Variants in TRPM3 observed in about 807,000 individuals in gnomAD.
The protein encoded by TRPM3 is transient receptor potential cation channel subfamily M member 3.
TRPM3 carries 77 observed loss-of-function variants against 181.2 expected under a neutral mutation model. The ratio of observed to expected loss-of-function variants is 0.42; its 90% CI spans 0.35 to 0.51. The LOEUF (loss-of-function observed/expected upper bound fraction) is 0.51, where lower values mean the gene tolerates loss of function less well. Ranked by LOEUF, TRPM3 falls within the 20% of genes least tolerant of loss-of-function variation. The pLI is 0.01. For synonymous variants in TRPM3, 745 were observed against 796.4 expected, an observed-to-expected ratio of 0.94 and a Z score of 1.09; for missense variants, 1,759 against 2,196.7, an observed-to-expected ratio of 0.80 and a Z score of 3.98.
At chr9:70,686,612 C>CCCTTCCTT (rs71367218) in intron 8 of TRPM3, among the ~76,000 whole-genome samples, 1,084 of 102,074 alleles carry the variant, frequency 0.011, 70 homozygotes, top group African/African-American at 0.027. Flanking sequence ...CTCCCTCCCG[C>CCCTTCCTT]CCTTCCTGGA....
At chr9:70,749,752 A>T (rs2075803264) in intron 8 of TRPM3, among the ~76,000 whole-genome samples, 1 of 152,222 alleles carries the variant, frequency 6.6e-6, no homozygotes, top group Non-Finnish European at 1.5e-5. Context: ...ATTGGTATAA[A>T]GTTATTCGTG....
At chr9:71,065,143 G>A (rs1330742421) in intron 1 of TRPM3, among the ~76,000 whole-genome samples, 1 of 152,068 alleles carries the variant, frequency 6.6e-6, no homozygotes. Flanking sequence ...CCAAATCTCT[G>A]TACAATGAAC....
chr9:71,347,077 A>G (rs1002836569), intron 1 of TRPM3, among the ~76,000 whole-genome samples: 1 of 152,214 alleles, frequency 6.6e-6, no homozygotes, highest in African/African-American at 2.4e-5. Context: ...TGCTGACTAT[A>G]TATTCTGCTT....
intron 1 of TRPM3, among the ~76,000 whole-genome samples, chr9:71,223,363 G>C (rs2080364109): frequency 6.6e-6 from 1 of 152,146 alleles, no homozygotes; most frequent in East Asian, 1.9e-4. Context: ...ATCATCTGCT[G>C]ACATAAAAGC....
intron 1 of TRPM3, among the ~76,000 whole-genome samples, chr9:70,922,765 C>T (rs991736182): frequency 6.6e-6 from 1 of 152,124 alleles, no homozygotes; most frequent in African/African-American, 2.4e-5. Context: ...TATTTGATTT[C>T]AGTTATTGTA....
chr9:71,259,755 AGTTT>A (rs1457652312), intron 1 of TRPM3, among the ~76,000 whole-genome samples: 1 of 151,666 alleles, frequency 6.6e-6, no homozygotes, highest in Non-Finnish European at 1.5e-5. Context: ...GTTTTTTGTA[AGTTT>A]GTTTAAGTTC....
chr9:71,159,669 G>A (rs1428942101), intron 1 of TRPM3, among the ~76,000 whole-genome samples: 3 of 152,070 alleles, frequency 2.0e-5, no homozygotes, highest in Non-Finnish European at 4.4e-5. Flanking sequence ...GCTTATACCT[G>A]TTGTATCTAA....
chr9:70,743,682 G>T (rs1465126092), intron 8 of TRPM3, among the ~76,000 whole-genome samples: 2 of 152,000 alleles, frequency 1.3e-5, no homozygotes, highest in Admixed American at 6.6e-5. Context: ...GGCAGGCCTG[G>T]TGAGATTCTG....
chr9:71,269,586 T>A (rs1037277021), intron 1 of TRPM3, among the ~76,000 whole-genome samples: 6 of 152,220 alleles, frequency 3.9e-5, no homozygotes, highest in Non-Finnish European at 7.3e-5. Flanking sequence ...TTCTTTTATG[T>A]CTAAAGTGAT....
intron 1 of TRPM3, among the ~76,000 whole-genome samples, chr9:71,041,941 AAATAAT>A (rs776686165): frequency 1.3e-5 from 2 of 152,164 alleles, no homozygotes; most frequent in African/African-American, 4.8e-5. Context: ...AGATAATTAA[AAATAAT>A]AATAATAGCA....
rs149346166 is a variant in TRPM3 at position 70,773,459 on chromosome 9, G to A, written c.1148+10646C>T. Among the ~76,000 whole-genome samples the A allele has an allele frequency of 1.4e-3, 209 of 152,290 alleles. 1 individual carries two copies. The highest frequency in any genetic ancestry group is 4.8e-3 in the African/African-American group (201 of 41,562). On this transcript the variant is annotated intron_variant, in intron 7 of 25. Coordinates refer to ENST00000677713, the MANE Select transcript of TRPM3 (RefSeq NM_001366145.2). ...ATATTAATTTCAAATTTTTGAGCAT[G>A]CTGCTGGGGAGAGGGTCAGAGGTGT...
intron 21 of TRPM3, among the ~76,000 whole-genome samples, chr9:70,592,012 A>G (rs914186585): frequency 5.3e-5 from 8 of 152,166 alleles, no homozygotes; most frequent in East Asian, 1.9e-4. Context: ...TCTCTAATAT[A>G]ATGTTATCTC....
chr9:71,055,427 A>C (rs1429322140), intron 1 of TRPM3, among the ~76,000 whole-genome samples: 2 of 152,048 alleles, frequency 1.3e-5, no homozygotes, highest in Admixed American at 1.3e-4. Flanking sequence ...TGGAAAAGTA[A>C]AGAATGATGA....
chr9:70,746,582 G>GC (rs1646888166), intron 8 of TRPM3, among the ~76,000 whole-genome samples: 1 of 152,132 alleles, frequency 6.6e-6, no homozygotes, highest in South Asian at 2.1e-4. Context: ...AGAATGGGAA[G>GC]CCATGTAACA....
chr9:70,884,898 T>A (rs1443160949), intron 1 of TRPM3, among the ~76,000 whole-genome samples: 2 of 152,190 alleles, frequency 1.3e-5, no homozygotes, highest in African/African-American at 4.8e-5. Flanking sequence ...ATTCTGAATC[T>A]GTAGGTGAAG....
At chr9:71,010,914 C>CACACACACACACACACAT (rs912142689) in intron 1 of TRPM3, among the ~76,000 whole-genome samples, 1 of 59,546 alleles carries the variant, frequency 1.7e-5, no homozygotes, top group Admixed American at 2.0e-4. Flanking sequence ...AAGAAAATGA[C>CACACACACACACACACAT]ACACACACAC....
intron 1 of TRPM3, among the ~76,000 whole-genome samples, chr9:71,293,992 G>T (rs1344632607): frequency 6.6e-6 from 1 of 151,838 alleles, no homozygotes; most frequent in Admixed American, 6.6e-5. Flanking sequence ...ATACAACACT[G>T]CTTCCTTCTT....
intron 6 of TRPM3, chr9:70,826,533 T>C (rs1332196283): frequency 1.3e-5 from 2 of 152,160 alleles, no homozygotes; most frequent in African/African-American, 4.8e-5. Context: ...ACTTAAACAG[T>C]AGCAGTCCCT....
At chr9:70,983,515 A>G (rs1230808283) in intron 1 of TRPM3, among the ~76,000 whole-genome samples, 1 of 152,212 alleles carries the variant, frequency 6.6e-6, no homozygotes, top group Non-Finnish European at 1.5e-5. Flanking sequence ...CAGAGCATGC[A>G]AAGAAGAATA....
Sources: gnomAD v4.1 joint callset for allele counts (sites outside exome capture counted in the v4.1 genomes callset) on GRCh38, gnomAD v4.1.1 for gene constraint, MANE v1.5 for transcripts, NCBI Gene and HGNC (gene_info 2026-07-23, HGNC 2026-07-21) for gene names.